GREB1L: variants seen among roughly 807,000 people sequenced by gnomAD.
GREB1L encodes GREB1-like protein.
A neutral mutation model predicts 200.8 loss-of-function variants in GREB1L; 17 were observed. The ratio of observed to expected loss-of-function variants is 0.08; its 90% CI spans 0.06 to 0.13. GREB1L has a LOEUF of 0.13. GREB1L is among the 10% of genes least tolerant of loss of function. The pLI is 1.00. For missense variants in GREB1L, 1,657 were observed against 2,367.7 expected (o/e 0.70, Z 6.23); for synonymous variants, 789 against 893.0 (o/e 0.88, Z 2.08).
chr18:21,475,479 C>T (rs1164800039), intron 16 of GREB1L, among the ~76,000 whole-genome samples: 3 of 152,126 alleles, frequency 2.0e-5, no homozygotes, highest in Non-Finnish European at 2.9e-5. Context: ...GTGCCTCAGC[C>T]TCCTGAGTAG....
chr18:21,333,090 A>G (rs1384931430), intron 1 of GREB1L, among the ~76,000 whole-genome samples: 2 of 151,954 alleles, frequency 1.3e-5, no homozygotes, highest in Non-Finnish European at 2.9e-5. Flanking sequence ...TAATACACAC[A>G]CACGCGCGCG....
intron 1 of GREB1L, among the ~76,000 whole-genome samples, chr18:21,324,012 A>C (rs1283851388): frequency 6.6e-6 from 1 of 152,162 alleles, no homozygotes; most frequent in African/African-American, 2.4e-5. Flanking sequence ...TGGACATTGG[A>C]GATTCTGAAG....
chr18:21,457,971 T>TG (rs1369134880), intron 15 of GREB1L, among the ~76,000 whole-genome samples: 2 of 150,424 alleles, frequency 1.3e-5, no homozygotes, highest in African/African-American at 4.9e-5. Flanking sequence ...ACAGTTTTTT[T>TG]TTTTTTTTTT....
intron 1 of GREB1L, among the ~76,000 whole-genome samples, chr18:21,352,759 A>G (rs1009318950): frequency 6.6e-6 from 1 of 152,110 alleles, no homozygotes; most frequent in African/African-American, 2.4e-5. Flanking sequence ...TAACAATTTC[A>G]TTGTAGAAAA....
chr18:21,470,259 C>T (rs376295893), intron 15 of GREB1L, among the ~76,000 whole-genome samples: 5 of 151,924 alleles, frequency 3.3e-5, no homozygotes, highest in African/African-American at 7.3e-5. Flanking sequence ...CTGCACTCAG[C>T]GTGGGTGACA....
chr18:21,392,424 A>G (rs2040863561), intron 4 of GREB1L, among the ~76,000 whole-genome samples: 1 of 152,200 alleles, frequency 6.6e-6, no homozygotes. Context: ...AATATGACCG[A>G]CATATTTAAT....
chr18:21,379,034 C>T (rs1318986180), intron 2 of GREB1L, among the ~76,000 whole-genome samples: 1 of 151,584 alleles, frequency 6.6e-6, no homozygotes, highest in Non-Finnish European at 1.5e-5. Context: ...CAGGCCCAGC[C>T]TGATTTAATA....
At position 21,505,653 on chromosome 18, in the gene GREB1L, C is replaced by T. The variant is rs1421097530; in HGVS notation, c.4228+86C>T. 7 of 1,452,034 alleles carry T rather than the reference C, an allele frequency of 4.8e-6. No homozygotes were observed. The African/African-American group carries it at 8.6e-5, about 18-fold the overall frequency. 89.9% of individuals were successfully genotyped at this position (1,452,034 alleles called of 1,614,324 possible). On this transcript the variant is annotated intron_variant, in intron 24 of 32. Coordinates refer to ENST00000424526, the MANE Select transcript of GREB1L (RefSeq NM_001142966.3). ...CCTTACATCTCACTTTTCTTTCGCT[C>T]TTATGCGCATCATTTTTTAAATTTT... is the stretch of plus-strand genomic sequence containing the variant.
At chr18:21,353,733 C>T (rs2039466611) in intron 1 of GREB1L, among the ~76,000 whole-genome samples, 1 of 151,960 alleles carries the variant, frequency 6.6e-6, no homozygotes, top group Non-Finnish European at 1.5e-5. Context: ...TATGTATAGA[C>T]ATTTAAATTT....
chr18:21,323,374 TACAG>T (rs1328098139), intron 1 of GREB1L, among the ~76,000 whole-genome samples: 21 of 152,276 alleles, frequency 1.4e-4, no homozygotes, highest in East Asian at 9.6e-4. Flanking sequence ...TAACTGATAC[TACAG>T]ACAAAGGGCT....
intron 25 of GREB1L, 90 bp from the exon 26 acceptor site, chr18:21,508,028 A>G: frequency 8.0e-7 from 1 of 1,252,764 alleles, no homozygotes; most frequent in Non-Finnish European, 1.1e-6. Context: ...GTTAGTTTCC[A>G]TCTCTTAATA....
intron 7 of GREB1L, among the ~76,000 whole-genome samples, chr18:21,407,400 A>G (rs2030391301): frequency 6.6e-6 from 1 of 152,166 alleles, no homozygotes. Flanking sequence ...TAAAGCCTTT[A>G]TTGTTTTAAC....
At chr18:21,478,363 A>G (rs887435995) in intron 17 of GREB1L, among the ~76,000 whole-genome samples, 17 of 152,236 alleles carry the variant, frequency 1.1e-4, no homozygotes, top group African/African-American at 3.9e-4. Flanking sequence ...AAGAAATGTG[A>G]GTTTCATAAA....
At chr18:21,252,850 C>G (rs28421652) in intron 1 of GREB1L, among the ~76,000 whole-genome samples, 25,359 of 152,132 alleles carry the variant, frequency 0.17, 4,738 homozygotes, top group African/African-American at 0.46. Context: ...CAGAGTGAGA[C>G]TGTCCCTCCC....
chr18:21,487,725 G>A (rs531402681), intron 18 of GREB1L, among the ~76,000 whole-genome samples: 3 of 152,268 alleles, frequency 2.0e-5, no homozygotes, highest in Middle Eastern at 3.4e-3. Context: ...AGTGGGCTGG[G>A]CGCGGTGGCT....
chr18:21,374,005 TC>T (rs2039977091), intron 2 of GREB1L, among the ~76,000 whole-genome samples: 1 of 152,090 alleles, frequency 6.6e-6, no homozygotes, highest in Non-Finnish European at 1.5e-5. Flanking sequence ...CTTCATTAGT[TC>T]TTTTTTTTTT....
chr18:21,449,873 T>A, intron 12 of GREB1L, 37 bp downstream of exon 12: 1 of 1,392,090 alleles, frequency 7.2e-7, no homozygotes, highest in Non-Finnish European at 9.6e-7. Context: ...GTTTAATCAA[T>A]TCATTCGACC....
rs1450209452 is a variant in GREB1L, at chr18:21,335,755, C to G, written c.-119-30272C>G. Among the ~76,000 whole-genome samples the G allele has an allele frequency of 4.6e-5, 7 of 151,484 alleles. No homozygotes were observed. In the East Asian group the frequency reaches 1.4e-3, roughly 29 times the overall value. ...CTCGGCTCACTGCAAGCTCCGCCTT[C>G]CGGGTTCATGCCATTCTCCTGCCTC... On this transcript the variant is annotated intron_variant, in intron 1 of 32. Transcript: ENST00000424526.
At chr18:21,307,253 A>G (rs1362399733) in intron 1 of GREB1L, among the ~76,000 whole-genome samples, 2 of 152,200 alleles carry the variant, frequency 1.3e-5, no homozygotes, top group Non-Finnish European at 2.9e-5. Flanking sequence ...CTTTAGTTAC[A>G]TGCAGCAGTT....
Sources: gnomAD v4.1 joint callset for allele counts (sites outside exome capture counted in the v4.1 genomes callset) on GRCh38, gnomAD v4.1.1 for gene constraint, MANE v1.5 for transcripts, NCBI Gene and HGNC (gene_info 2026-07-23, HGNC 2026-07-21) for gene names.